The following RGS9 variants were observed in gnomAD, a reference collection of about 807,000 sequenced individuals.
RGS9 encodes the protein regulator of G-protein signalling 9.
RGS9 carries 78 observed loss-of-function variants against 102.0 expected under a neutral mutation model. The observed-to-expected ratio is 0.76, with a 90% CI of 0.64 to 0.92. The LOEUF (loss-of-function observed/expected upper bound fraction) is 0.92, where lower values mean the gene tolerates loss of function less well. RGS9 is among the 40% of genes least tolerant of loss of function. The pLI is 0.00. For missense variants in RGS9, 833 were observed against 866.1 expected (o/e 0.96, Z 0.48); for synonymous variants, 353 against 318.6 (o/e 1.11, Z -1.15).
intron 1 of RGS9, among the ~76,000 whole-genome samples, chr17:65,151,139 G>A (rs772661354): frequency 1.6e-4 from 25 of 152,184 alleles, no homozygotes; most frequent in Non-Finnish European, 3.1e-4. Context: ...GAGGTCAGGA[G>A]TTTGAGACCA....
At chr17:65,196,183 C>T (rs145231308) in intron 12 of RGS9, among the ~76,000 whole-genome samples, 122 of 152,340 alleles carry the variant, frequency 8.0e-4, no homozygotes, top group African/African-American at 2.5e-3. Context: ...ATGTGTGTAA[C>T]GCACAGTACC....
intron 1 of RGS9, among the ~76,000 whole-genome samples, chr17:65,148,486 C>T (rs534465095): frequency 1.2e-4 from 18 of 152,272 alleles, no homozygotes; most frequent in Non-Finnish European, 7.4e-5. Context: ...TCTGATGAAC[C>T]TCCATACTGT....
chr17:65,170,048 C>CTTTTTTT (rs993959757), intron 8 of RGS9, among the ~76,000 whole-genome samples: 3 of 122,124 alleles, frequency 2.5e-5, no homozygotes, highest in Non-Finnish European at 5.1e-5. Context: ...CTTCTGCATT[C>CTTTTTTT]TTTTTTTTTT....
intron 17 of RGS9, among the ~76,000 whole-genome samples, chr17:65,224,145 C>T (rs1455426750): frequency 6.6e-6 from 1 of 152,172 alleles, no homozygotes; most frequent in African/African-American, 2.4e-5. Flanking sequence ...TGTGTTCCGC[C>T]ATGGGAAAAG....
chr17:65,215,011 C>T (rs1913434266), intron 17 of RGS9, among the ~76,000 whole-genome samples: 1 of 152,172 alleles, frequency 6.6e-6, no homozygotes, highest in South Asian at 2.1e-4. Flanking sequence ...CTGTAAAACT[C>T]CTTAAAAAGG....
chr17:65,189,007 A>G, intron 9 of RGS9: 1 of 516,184 alleles, frequency 1.9e-6, no homozygotes, highest in Non-Finnish European at 3.5e-6. Context: ...AACTGACACC[A>G]GTTTCAAATT....
chr17:65,177,577 C>A (rs959008183), intron 8 of RGS9, among the ~76,000 whole-genome samples, 155 bp from the exon 9 acceptor site: 8 of 152,216 alleles, frequency 5.3e-5, no homozygotes, highest in Non-Finnish European at 1.2e-4. Flanking sequence ...AACAGCTCAC[C>A]TGGAGGGTTT....
intron 1 of RGS9, among the ~76,000 whole-genome samples, chr17:65,145,873 G>A (rs1910339388): frequency 8.0e-6 from 1 of 124,928 alleles, no homozygotes; most frequent in African/African-American, 4.9e-5. Context: ...GGAAAGGTCT[G>A]AGGAAAAAGG....
chr17:65,183,117 TACCTACATAC>T (rs1911963974), intron 9 of RGS9, among the ~76,000 whole-genome samples: 1 of 142,346 alleles, frequency 7.0e-6, no homozygotes, highest in Non-Finnish European at 1.5e-5. Context: ...TCTACCTACC[TACCTACATAC>T]CTATCTATCT....
intron 6 of RGS9, among the ~76,000 whole-genome samples, chr17:65,161,736 T>C (rs1027215721): frequency 1.3e-5 from 2 of 151,600 alleles, no homozygotes; most frequent in African/African-American, 4.9e-5. Flanking sequence ...ATTTATTTAT[T>C]TGAGACAACG....
intron 14 of RGS9, among the ~76,000 whole-genome samples, chr17:65,202,528 T>C (rs986195037): frequency 2.0e-5 from 3 of 151,160 alleles, no homozygotes; most frequent in East Asian, 1.9e-4. Flanking sequence ...TCCTTAGAGA[T>C]GTGAGGAACA....
In RGS9 at chr17:65,153,460, A is replaced by G. The variant is rs141938923; in HGVS notation, c.96A>G (p.Thr32=). 2 of 1,614,216 alleles carry G rather than the reference A, an allele frequency of 1.2e-6. No individual in the cohort carries two copies. Among genetic ancestry groups the G allele is most frequent in the Non-Finnish European group, 8.5e-7 (1 of 1,180,020 alleles). The part of the protein sequence containing the change: ...ALVKDMQNPE[T]GVRMQNQRVL... ...TGAAGGACATGCAGAACCCAGAGAC[A>G]GGGGTCCGAATGCAGAACCAGAGGG... is the stretch of plus-strand genomic sequence containing the variant. Residue 32 remains threonine, a synonymous_variant, in exon 2 of 19, where the codon ACA becomes ACG. Transcript: ENST00000262406.
intron 15 of RGS9, among the ~76,000 whole-genome samples, chr17:65,205,827 A>G (rs1913041597): frequency 6.6e-6 from 1 of 151,934 alleles, no homozygotes. Flanking sequence ...AGATTATATG[A>G]TATAGGTTAT....
Position 65,137,402 on chromosome 17 carries a change from C to G in RGS9, c.-139C>G, listed in dbSNP as rs530749518. On this transcript the variant is annotated 5_prime_UTR_variant, in exon 1 of 19. Coordinates refer to ENST00000262406, the MANE Select transcript of RGS9 (RefSeq NM_003835.4). Reference sequence around the variant, plus strand: ...GGCGCCTAGTGAGAGTCAGGGGGGCCCGGCCCGCGCCCTCCCCGCCCAGCC... The same window carrying G: ...GGCGCCTAGTGAGAGTCAGGGGGGCGCGGCCCGCGCCCTCCCCGCCCAGCC... 8.6e-6 allele frequency: 7 copies of G among 811,400 alleles called. No homozygotes were observed. The Admixed American group carries it at 1.3e-4, about 16-fold the overall frequency. 50.3% of individuals were successfully genotyped at this position (811,400 alleles called of 1,614,324 possible).
intron 8 of RGS9, among the ~76,000 whole-genome samples, chr17:65,176,470 G>T (rs1051464399): frequency 6.6e-6 from 1 of 152,182 alleles, no homozygotes; most frequent in Admixed American, 6.5e-5. Flanking sequence ...CTTCTGCACA[G>T]CTGGGAAGTG....
At chr17:65,148,544 G>A (rs1449707827) in intron 1 of RGS9, among the ~76,000 whole-genome samples, 1 of 152,166 alleles carries the variant, frequency 6.6e-6, no homozygotes, top group Non-Finnish European at 1.5e-5. Flanking sequence ...CAGTGCACAG[G>A]GTTCCAATTT....
rs1373214066 is a variant in RGS9 at position 65,225,408 on chromosome 17, C to T, written c.1814C>T (p.Ala605Val). 1 of 1,611,166 alleles carries T rather than the reference C, an allele frequency of 6.2e-7. No homozygotes were observed. Among genetic ancestry groups the T allele is most frequent in the African/African-American group, 1.3e-5 (1 of 75,078 alleles). The change falls in exon 18 of 19, where the codon GCT becomes GTT. Residue 605 changes from alanine (A) to valine (V), a missense_variant. Physicochemically the swap from Ala to Val is moderately conservative, Grantham distance 64. Coordinates refer to ENST00000262406, the MANE Select transcript of RGS9 (RefSeq NM_003835.4). ...GCCAGGCTCTCACCCAAGTGCCCTG[C>T]TGTGTCCCACGGGAGGGTGCAGCCC... ...VFARLSPKCP[A>V]VSHGRVQPLG...
intron 1 of RGS9, among the ~76,000 whole-genome samples, chr17:65,140,846 C>T (rs377376660): frequency 4.0e-4 from 61 of 151,072 alleles, no homozygotes; most frequent in African/African-American, 1.3e-3. Flanking sequence ...CTTGCCACTA[C>T]ACTACACTCT....
intron 6 of RGS9, among the ~76,000 whole-genome samples, chr17:65,161,181 C>T (rs1306663230): frequency 6.6e-6 from 1 of 152,236 alleles, no homozygotes; most frequent in African/African-American, 2.4e-5. Context: ...CTTTTGCCAT[C>T]CCAAAACAAT....
Sources: gnomAD v4.1 joint callset for allele counts (sites outside exome capture counted in the v4.1 genomes callset) on GRCh38, gnomAD v4.1.1 for gene constraint, MANE v1.5 for transcripts, NCBI Gene and HGNC (gene_info 2026-07-23, HGNC 2026-07-21) for gene names.